TAB1: variants seen among roughly 807,000 people sequenced by gnomAD.
The protein encoded by TAB1 is TGF-beta activated kinase 1 (MAP3K7) binding protein 1, also known as TGF-beta-activated kinase 1 and MAP3K7-binding protein 1.
Under a neutral mutation model 54.5 loss-of-function variants are expected in TAB1, and 30 were observed. The ratio of observed to expected loss-of-function variants is 0.55; its 90% CI spans 0.41 to 0.75. The LOEUF (loss-of-function observed/expected upper bound fraction) is 0.75, where lower values mean the gene tolerates loss of function less well. Ranked by LOEUF, TAB1 falls within the 30% of genes least tolerant of loss-of-function variation. The probability of loss-of-function intolerance (pLI) is 0.00; values close to 1 mark genes in which losing one functional copy is unlikely to be tolerated. For missense variants in TAB1, 609 were observed against 683.2 expected (o/e 0.89, Z 1.21); for synonymous variants, 289 against 286.9 (o/e 1.01, Z -0.07).
downstream of TAB1, chr22:39,436,657 C>T: frequency 9.1e-7 from 1 of 1,099,028 alleles, no homozygotes; most frequent in Non-Finnish European, 1.4e-6. Context: ...GCACTGGGAT[C>T]TTCTCGTGCC....
chr22:39,414,761 G>A lies in TAB1; in HGVS notation c.34-245G>A, dbSNP rs190224096. ...GCTCACTCCTGGAGGTCATTGCTGC[G>A]CCTTACATTTGGGAATGGTGGAGTC... On this transcript the variant is annotated intron_variant, in intron 1 of 10. Coordinates refer to ENST00000216160, the MANE Select transcript of TAB1 (RefSeq NM_006116.3). 2.5e-4 allele frequency: 125 copies of A among 507,176 alleles called. 1 individual carries two copies. Among genetic ancestry groups the A allele is most frequent in the Admixed American group, 4.3e-4 (12 of 27,866 alleles). 31.4% of individuals were successfully genotyped at this position (507,176 alleles called of 1,614,324 possible). A position where few individuals can be genotyped will look rare whatever the true frequency, so the allele number is the denominator to read the frequency against.
chr22:39,414,032 A>G (rs1438807188), intron 1 of TAB1, among the ~76,000 whole-genome samples: 4 of 152,162 alleles, frequency 2.6e-5, no homozygotes, highest in Non-Finnish European at 4.4e-5. Context: ...AGCGTGTTTA[A>G]AGCTCTGCAG....
At chr22:39,402,597 G>T (rs904372339) in intron 1 of TAB1, among the ~76,000 whole-genome samples, 1 of 152,180 alleles carries the variant, frequency 6.6e-6, no homozygotes, top group Non-Finnish European at 1.5e-5. Context: ...CTGTCACCCA[G>T]ACTGGAGTGA....
intron 7 of TAB1, 78 bp from the exon 8 acceptor site, chr22:39,421,749 A>G: frequency 2.7e-6 from 4 of 1,477,238 alleles, no homozygotes; most frequent in Non-Finnish European, 3.7e-6. Flanking sequence ...CTGGGCATAG[A>G]TTCCTCCCCT....
chr22:39,400,508 G>T (rs568707299), intron 1 of TAB1, among the ~76,000 whole-genome samples: 1 of 152,210 alleles, frequency 6.6e-6, no homozygotes, highest in Non-Finnish European at 1.5e-5. Context: ...TAAGGCGAGA[G>T]CGCTGAGTGG....
intron 5 of TAB1, 59 bp downstream of exon 5, chr22:39,417,908 G>A (rs1926909862): frequency 3.3e-6 from 5 of 1,529,258 alleles, no homozygotes; most frequent in Admixed American, 2.1e-5. Context: ...CACAGGGGTC[G>A]GTGCATTATT....
At chr22:39,420,303 C>T (rs1240814930) in intron 7 of TAB1, among the ~76,000 whole-genome samples, 4 of 152,230 alleles carry the variant, frequency 2.6e-5, no homozygotes, top group Non-Finnish European at 5.9e-5. Context: ...GGCATGGAGA[C>T]ATCAGGCAGC....
rs201204345 is a variant in TAB1, at chr22:39,414,969, C to T, written c.34-37C>T. 2.4e-3 allele frequency: 3,929 copies of T among 1,612,352 alleles called. 5 individuals are homozygous for T. The highest frequency in any genetic ancestry group is 3.0e-3 in the Non-Finnish European group (3,552 of 1,179,530). ...TGAAGTGGGGACTACCCTGCAGACGCGGTGGCGTCTCACGGCTTCCTGGTG... is the reference window on the plus strand; with the variant it reads ...TGAAGTGGGGACTACCCTGCAGACGTGGTGGCGTCTCACGGCTTCCTGGTG... On this transcript the variant is annotated intron_variant, in intron 1 of 10. Transcript: ENST00000216160.
downstream of TAB1, chr22:39,437,082 T>C (rs1927813976): frequency 6.5e-6 from 1 of 152,898 alleles, no homozygotes; most frequent in African/African-American, 2.4e-5. Flanking sequence ...TTTATGACTA[T>C]TGGTAGAAAG....
chr22:39,432,988 T>C (rs1349502002), downstream of TAB1: 1 of 985,366 alleles, frequency 1.0e-6, no homozygotes, highest in Non-Finnish European at 1.2e-6. Context: ...GCAGCCCTGG[T>C]GGGTCACTGC....
chr22:39,422,260 C>A (rs1050738234), intron 8 of TAB1, among the ~76,000 whole-genome samples: 2 of 152,048 alleles, frequency 1.3e-5, no homozygotes, highest in Non-Finnish European at 2.9e-5. Flanking sequence ...TCTGAGACGG[C>A]CAGGAAGGGG....
chr22:39,400,807 G>A (rs1038523927), intron 1 of TAB1, among the ~76,000 whole-genome samples: 24 of 152,052 alleles, frequency 1.6e-4, no homozygotes, highest in African/African-American at 5.8e-4. Context: ...AGGCTGAGGC[G>A]GGTGGATCAC....
chr22:39,432,652 G>A (rs992187364), downstream of TAB1: 3 of 718,930 alleles, frequency 4.2e-6, no homozygotes, highest in Non-Finnish European at 5.1e-6. Flanking sequence ...CCGAGAGAGA[G>A]AGAGAGACAT....
At chr22:39,400,491 C>T (rs576937530) in intron 1 of TAB1, among the ~76,000 whole-genome samples, 2 of 152,192 alleles carry the variant, frequency 1.3e-5, no homozygotes, top group Non-Finnish European at 2.9e-5. Flanking sequence ...CCTCAGTTTC[C>T]TTCTCCTAAG....
Position 39,418,896 on chromosome 22 carries a change from G to A in TAB1, c.664+51G>A, listed in dbSNP as rs373838860. On this transcript the variant is annotated intron_variant, in intron 6 of 10. Transcript: ENST00000216160. ...GCTGATCCCCATGGGCTCACCCTTCGCCTGCCTTTGGTGGTGGGGTAGAGA... is the reference window on the plus strand; with the variant it reads ...GCTGATCCCCATGGGCTCACCCTTCACCTGCCTTTGGTGGTGGGGTAGAGA... 2.8e-5 allele frequency: 41 copies of A among 1,470,678 alleles called. No homozygotes were observed. In the African/African-American group the frequency reaches 3.2e-4, roughly 11 times the overall value. 91.1% of individuals were successfully genotyped at this position (1,470,678 alleles called of 1,614,324 possible).
chr22:39,423,221 CT>C (rs1927172040), intron 8 of TAB1, among the ~76,000 whole-genome samples: 1 of 152,154 alleles, frequency 6.6e-6, no homozygotes, highest in African/African-American at 2.4e-5. Context: ...AACTCCTGGT[CT>C]CAAGTGATCC....
At chr22:39,413,638 C>T (rs904255078) in intron 1 of TAB1, among the ~76,000 whole-genome samples, 2 of 152,042 alleles carry the variant, frequency 1.3e-5, no homozygotes, top group African/African-American at 4.8e-5. Flanking sequence ...TTGGCTAGGC[C>T]GGTCTCAAAT....
chr22:39,414,901 T>C, intron 1 of TAB1, 105 bp from the exon 2 acceptor site: 1 of 1,330,622 alleles, frequency 7.5e-7, no homozygotes. Context: ...ACCCTCTGTG[T>C]AGGGCTGCGG....
chr22:39,423,476 G>C (rs1040092597), intron 8 of TAB1, among the ~76,000 whole-genome samples: 1 of 152,092 alleles, frequency 6.6e-6, no homozygotes, highest in Non-Finnish European at 1.5e-5. Flanking sequence ...GTGGTGGCAG[G>C]CACCTGTAAT....
Sources: allele counts gnomAD v4.1 joint callset (sites outside exome capture counted in the v4.1 genomes callset), GRCh38; gene constraint gnomAD v4.1.1; transcripts MANE v1.5; gene names NCBI Gene and HGNC (gene_info 2026-07-23, HGNC 2026-07-21).